The following KIAA1549L variants were observed in gnomAD, a reference collection of about 807,000 sequenced individuals.
KIAA1549L encodes the protein KIAA1549 like, also known as UPF0606 protein KIAA1549L.
Under a neutral mutation model 160.7 loss-of-function variants are expected in KIAA1549L, and 88 were observed. The ratio of observed to expected loss-of-function variants is 0.55; its 90% CI spans 0.46 to 0.65. KIAA1549L has a LOEUF of 0.65. Among genes scored for constraint, KIAA1549L ranks in the 30% least tolerant of loss-of-function variants. The pLI, the probability that KIAA1549L is intolerant of heterozygous loss-of-function variation, is 0.00. For synonymous variants in KIAA1549L, 950 were observed against 976.7 expected (o/e 0.97, Z 0.51); for missense variants, 2,258 against 2,437.5 (o/e 0.93, Z 1.55).
chr11:33,409,011 C>T (rs1850732794), intron 1 of KIAA1549L, among the ~76,000 whole-genome samples: 1 of 146,510 alleles, frequency 6.8e-6, no homozygotes, highest in African/African-American at 2.5e-5. Context: ...AAGTCAGCAA[C>T]TGCTTGTGTG....
chr11:33,651,638 C>T (rs2133420619), intron 17 of KIAA1549L, among the ~76,000 whole-genome samples: 1 of 152,150 alleles, frequency 6.6e-6, no homozygotes, highest in African/African-American at 2.4e-5. Context: ...CAGCCTGTTA[C>T]CCCTGTAGTG....
At chr11:33,431,971 G>A (rs1040148549) in intron 1 of KIAA1549L, among the ~76,000 whole-genome samples, 7 of 152,356 alleles carry the variant, frequency 4.6e-5, no homozygotes, top group Admixed American at 2.0e-4. Context: ...TACGCCCTCC[G>A]TAGCCACTGG....
chr11:33,602,480 A>G (rs1002656645), intron 13 of KIAA1549L, among the ~76,000 whole-genome samples: 2 of 152,254 alleles, frequency 1.3e-5, no homozygotes, highest in Admixed American at 1.3e-4. Context: ...CACGTGTTGG[A>G]TAAGAACACT....
At chr11:33,464,473 CATGT>C (rs1022576432) in intron 1 of KIAA1549L, among the ~76,000 whole-genome samples, 35 of 91,428 alleles carry the variant, frequency 3.8e-4, no homozygotes, top group South Asian at 1.1e-3. Context: ...GCTGTGTGTG[CATGT>C]GTGTGTGTGT....
intron 1 of KIAA1549L, among the ~76,000 whole-genome samples, chr11:33,398,692 A>G (rs75897165): frequency 6.6e-6 from 1 of 152,210 alleles, no homozygotes; most frequent in Non-Finnish European, 1.5e-5. Context: ...CCATAGCCCC[A>G]AGAGTCTAAC....
chr11:33,552,653 AACACACACACACACACACACAC>A (rs761358417), intron 6 of KIAA1549L, among the ~76,000 whole-genome samples: 15 of 131,448 alleles, frequency 1.1e-4, no homozygotes, highest in Non-Finnish European at 1.5e-4. Flanking sequence ...GACACATGCC[AACACACACACACACACACACAC>A]ACACACACAC....
At chr11:33,538,944 C>T (rs1016359616) in intron 1 of KIAA1549L, among the ~76,000 whole-genome samples, 15 of 152,188 alleles carry the variant, frequency 9.9e-5, no homozygotes, top group African/African-American at 3.4e-4. Flanking sequence ...GAAGTGCCCC[C>T]GTCCTGTTCC....
At chr11:33,391,733 G>A (rs1004874063) in intron 1 of KIAA1549L, among the ~76,000 whole-genome samples, 3 of 152,204 alleles carry the variant, frequency 2.0e-5, no homozygotes, top group African/African-American at 7.2e-5. Flanking sequence ...GAGATGCAGG[G>A]AGGAAGTGTC....
rs115129405 is a variant in KIAA1549L, at chr11:33,519,318, A to G, written c.239-22484A>G. On this transcript the variant is annotated intron_variant, in intron 1 of 20. Transcript: ENST00000658780. Reference sequence around the variant, plus strand: ...CTCTATAATAGAAATGTTGATTTCTATATGCTCCAGTGATATATATTTGTC... The same window carrying G: ...CTCTATAATAGAAATGTTGATTTCTGTATGCTCCAGTGATATATATTTGTC... 9.7e-3 allele frequency among the ~76,000 whole-genome samples: 1,480 copies of G among 152,268 alleles called. 22 individuals are homozygous for G. Among genetic ancestry groups the G allele is most frequent in the African/African-American group, 0.025 (1,042 of 41,558 alleles).
At chr11:33,494,832 G>T (rs1029374136) in intron 1 of KIAA1549L, among the ~76,000 whole-genome samples, 3 of 152,212 alleles carry the variant, frequency 2.0e-5, no homozygotes, top group African/African-American at 7.2e-5. Context: ...TACAGCTTTT[G>T]TGTGAGAAGA....
In KIAA1549L at chr11:33,544,193, C is replaced by A; in HGVS notation, c.2630C>A (p.Ser877Ter). Residue 877 changes from serine to a stop codon, truncating the protein, a stop_gained, in exon 2 of 21, where the codon TCA becomes TAA. Transcript: ENST00000658780. LOFTEE classifies it high-confidence loss of function. The stretch of plus-strand genomic sequence containing the variant: ...TCTGAAATTTCCAGTGACATCAATT[C>A]ATCACCTGAGAGAAATGCTTCCACA... Reference protein sequence around the residue: ...TGSEISSDINSSPERNASTPF... With the variant: ...TGSEISSDIN 4 of 1,614,034 alleles carry A rather than the reference C, an allele frequency of 2.5e-6. No individual in the cohort carries two copies. Among genetic ancestry groups the A allele is most frequent in the Non-Finnish European group, 3.4e-6 (4 of 1,179,894 alleles).
At chr11:33,630,468 G>A (rs1409639612) in intron 16 of KIAA1549L, among the ~76,000 whole-genome samples, 1 of 152,276 alleles carries the variant, frequency 6.6e-6, no homozygotes, top group Non-Finnish European at 1.5e-5. Context: ...CCAGGTGCGG[G>A]ATATAATCTC....
rs1347160949 is a variant in KIAA1549L, at chr11:33,592,398, T to C, written c.4751+977T>C. 3.3e-5 allele frequency among the ~76,000 whole-genome samples: 5 copies of C among 152,310 alleles called. No individual in the cohort carries two copies. In the Middle Eastern group the frequency reaches 0.01, roughly 311 times the overall value. On this transcript the variant is annotated intron_variant, in intron 12 of 20. Coordinates refer to ENST00000658780, the MANE Select transcript of KIAA1549L (RefSeq NM_012194.3). ...GGCCAAGAGACTCATTGTAAGACTT[T>C]GCAATAGCCTTATAAAGAGGTAATG...
intron 1 of KIAA1549L, among the ~76,000 whole-genome samples, chr11:33,421,816 A>G (rs1271884615): frequency 6.6e-6 from 1 of 152,148 alleles, no homozygotes; most frequent in Non-Finnish European, 1.5e-5. Context: ...GGTGCTTCTC[A>G]AACACGTGTA....
At chr11:33,664,451 C>T (rs1236465322) in intron 20 of KIAA1549L, among the ~76,000 whole-genome samples, 2 of 152,214 alleles carry the variant, frequency 1.3e-5, no homozygotes, top group African/African-American at 2.4e-5. Flanking sequence ...TACCACACAT[C>T]CCCCATCTAG....
chr11:33,647,016 G>C (rs1252903980), intron 17 of KIAA1549L, among the ~76,000 whole-genome samples: 1 of 152,102 alleles, frequency 6.6e-6, no homozygotes, highest in Non-Finnish European at 1.5e-5. Flanking sequence ...CTACGTCCTA[G>C]ACTTGTAAAG....
chr11:33,409,094 G>C (rs1169243742), intron 1 of KIAA1549L, among the ~76,000 whole-genome samples: 1 of 152,138 alleles, frequency 6.6e-6, no homozygotes, highest in Non-Finnish European at 1.5e-5. Flanking sequence ...TAGAGGGAGG[G>C]GGGACAGGTA....
At chr11:33,552,068 T>C (rs375645928) in intron 5 of KIAA1549L, 40 bp from the exon 6 acceptor site, 10 of 1,606,554 alleles carry the variant, frequency 6.2e-6, no homozygotes, top group Non-Finnish European at 8.5e-6. Context: ...AACTGAGACA[T>C]GGAGCTTTAG....
intron 1 of KIAA1549L, among the ~76,000 whole-genome samples, chr11:33,447,648 A>C (rs191232413): frequency 8.4e-4 from 92 of 110,018 alleles, no homozygotes; most frequent in Non-Finnish European, 1.2e-3. Context: ...CACACACACA[A>C]AATTTTAGCA....
Sources: allele counts gnomAD v4.1 joint callset (sites outside exome capture counted in the v4.1 genomes callset), GRCh38; gene constraint gnomAD v4.1.1; transcripts MANE v1.5; gene names NCBI Gene and HGNC (gene_info 2026-07-23, HGNC 2026-07-21).